The following PARD3 variants were observed in gnomAD, a reference collection of about 807,000 sequenced individuals.
PARD3 encodes the protein par-3 family cell polarity regulator, also known as partitioning defective 3 homolog.
Under a neutral mutation model 155.4 loss-of-function variants are expected in PARD3, and 75 were observed. That is an observed-to-expected ratio of 0.48 (90% CI 0.40 to 0.58). PARD3 has a LOEUF of 0.58. Ranked by LOEUF, PARD3 falls within the 20% of genes least tolerant of loss-of-function variation. The pLI, the probability that PARD3 is intolerant of heterozygous loss-of-function variation, is 0.00. For synonymous variants in PARD3, 576 were observed against 610.5 expected, an observed-to-expected ratio of 0.94 and a Z score of 0.83; for missense variants, 1,642 against 1,721.7, an observed-to-expected ratio of 0.95 and a Z score of 0.82.
intron 22 of PARD3, among the ~76,000 whole-genome samples, chr10:34,261,805 G>T: frequency 6.9e-6 from 1 of 144,352 alleles, no homozygotes; most frequent in Non-Finnish European, 1.5e-5. Flanking sequence ...AAGAAAGAAA[G>T]AAAGAAAGAA....
At chr10:34,705,115 A>G (rs1163495109) in intron 1 of PARD3, among the ~76,000 whole-genome samples, 1 of 152,174 alleles carries the variant, frequency 6.6e-6, no homozygotes, top group Non-Finnish European at 1.5e-5. Flanking sequence ...GCACTTCAAG[A>G]TAGATATCAC....
intron 2 of PARD3, among the ~76,000 whole-genome samples, chr10:34,531,778 G>A (rs77494768): frequency 0.014 from 2,162 of 152,202 alleles, 58 homozygotes; most frequent in African/African-American, 0.048. Flanking sequence ...AGCATTTCCA[G>A]CATCACTAGT....
At chr10:34,390,692 A>G (rs1665364192) in intron 7 of PARD3, among the ~76,000 whole-genome samples, 1 of 152,220 alleles carries the variant, frequency 6.6e-6, no homozygotes, top group South Asian at 2.1e-4. Context: ...TGACTGACAC[A>G]GAGAGGTAAT....
chr10:34,331,525 CTTATA>C (rs1835612014), intron 18 of PARD3, among the ~76,000 whole-genome samples, 181 bp from the exon 19 acceptor site: 1 of 152,102 alleles, frequency 6.6e-6, no homozygotes, highest in Non-Finnish European at 1.5e-5. Context: ...TTTTCCCAAA[CTTATA>C]TTAGATTTGG....
chr10:34,277,267 A>C (rs1320687076), intron 21 of PARD3, among the ~76,000 whole-genome samples: 2 of 152,158 alleles, frequency 1.3e-5, no homozygotes, highest in Non-Finnish European at 2.9e-5. Flanking sequence ...TCCACCATGG[A>C]AGGCTTTATT....
Position 34,509,230 on chromosome 10 carries a change from T to TG in PARD3, c.403+7748dup, listed in dbSNP as rs558418711. Among the ~76,000 whole-genome samples, 17 of 152,242 alleles carry TG rather than the reference T, an allele frequency of 1.1e-4. No homozygotes were observed. The East Asian group carries it at 2.9e-3, about 26-fold the overall frequency. Reference sequence around the variant, plus strand: ...AACCAGTTTCCTTCAGAGCAGAACATGCATCTACCTGGGAGCATGCAAAGA... The same window carrying TG: ...AACCAGTTTCCTTCAGAGCAGAACATGGCATCTACCTGGGAGCATGCAAAGA... On this transcript the variant is annotated intron_variant, in intron 3 of 24. Transcript: ENST00000374788.
chr10:34,220,899 G>C (rs1373843883), intron 22 of PARD3, among the ~76,000 whole-genome samples: 1 of 152,188 alleles, frequency 6.6e-6, no homozygotes, highest in Non-Finnish European at 1.5e-5. Context: ...ATCTGGGATA[G>C]CAGCGGGAGA....
intron 5 of PARD3, among the ~76,000 whole-genome samples, chr10:34,414,165 T>C (rs976408976): frequency 1.3e-5 from 2 of 149,536 alleles, no homozygotes; most frequent in East Asian, 2.0e-4. Context: ...GCCGCTGCAC[T>C]CCAGCTTGGG....
intron 3 of PARD3, among the ~76,000 whole-genome samples, chr10:34,486,583 G>C (rs74132028): frequency 6.6e-6 from 1 of 152,212 alleles, no homozygotes; most frequent in Non-Finnish European, 1.5e-5. Flanking sequence ...AATGTGATTA[G>C]AAGGTGACAA....
At chr10:34,723,095 G>A (rs764572244) in intron 1 of PARD3, among the ~76,000 whole-genome samples, 7 of 152,058 alleles carry the variant, frequency 4.6e-5, no homozygotes, top group Non-Finnish European at 7.4e-5. Context: ...TATAATTCCA[G>A]CACTTTGGGA....
intron 2 of PARD3, among the ~76,000 whole-genome samples, chr10:34,587,127 T>G (rs2088146749): frequency 6.6e-6 from 1 of 151,918 alleles, no homozygotes; most frequent in South Asian, 2.1e-4. Flanking sequence ...TTTTATTGTG[T>G]TTTTTTGTTT....
At chr10:34,557,554 T>C (rs2085103277) in intron 2 of PARD3, among the ~76,000 whole-genome samples, 3 of 151,834 alleles carry the variant, frequency 2.0e-5, no homozygotes, top group Admixed American at 6.6e-5. Flanking sequence ...TCTCGGCACA[T>C]TGTAACCTCT....
At chr10:34,254,287 A>G (rs376502873) in intron 22 of PARD3, among the ~76,000 whole-genome samples, 24 of 152,052 alleles carry the variant, frequency 1.6e-4, no homozygotes, top group South Asian at 6.2e-4. Context: ...GCTGAGGCAG[A>G]AGAATGGCGT....
intron 5 of PARD3, among the ~76,000 whole-genome samples, chr10:34,430,410 T>C (rs1011401985): frequency 6.6e-6 from 1 of 152,202 alleles, no homozygotes; most frequent in Non-Finnish European, 1.5e-5. Flanking sequence ...GCAAGTTGAC[T>C]TCCTAATGAT....
chr10:34,594,028 AT>A (rs2088979772), intron 2 of PARD3, among the ~76,000 whole-genome samples: 1 of 152,078 alleles, frequency 6.6e-6, no homozygotes, highest in Non-Finnish European at 1.5e-5. Context: ...AAGCTAACCC[AT>A]TTTTCATAGA....
chr10:34,689,955 T>C (rs1161840524), intron 2 of PARD3, among the ~76,000 whole-genome samples: 1 of 152,036 alleles, frequency 6.6e-6, no homozygotes, highest in Non-Finnish European at 1.5e-5. Context: ...ATTTATTTAT[T>C]TATTTATGAG....
intron 5 of PARD3, among the ~76,000 whole-genome samples, chr10:34,410,061 G>C (rs1031164961): frequency 6.6e-6 from 1 of 152,094 alleles, no homozygotes; most frequent in Non-Finnish European, 1.5e-5. Context: ...GAAGTACTCA[G>C]AAAACTGTCT....
chr10:34,750,676 G>A (rs1211430147), intron 1 of PARD3, among the ~76,000 whole-genome samples: 3 of 150,400 alleles, frequency 2.0e-5, no homozygotes, highest in African/African-American at 7.4e-5. Context: ...GATTATTCTT[G>A]GTAATGACAT....
At chr10:34,366,152 G>A (rs1372480482) in intron 12 of PARD3, among the ~76,000 whole-genome samples, 1 of 152,108 alleles carries the variant, frequency 6.6e-6, no homozygotes, top group Non-Finnish European at 1.5e-5. Flanking sequence ...TTATACAGAT[G>A]GTCCACAACT....
Sources: allele counts gnomAD v4.1 joint callset (sites outside exome capture counted in the v4.1 genomes callset), GRCh38; gene constraint gnomAD v4.1.1; transcripts MANE v1.5; gene names NCBI Gene and HGNC (gene_info 2026-07-23, HGNC 2026-07-21).